The following ASIC2 variants were observed in gnomAD, a reference collection of about 807,000 sequenced individuals.
ASIC2 encodes the protein acid sensing ion channel subunit 2, also known as acid-sensing ion channel 2.
Under a neutral mutation model 57.3 loss-of-function variants are expected in ASIC2, and 25 were observed. The ratio of observed to expected loss-of-function variants is 0.44; its 90% CI spans 0.32 to 0.61. The LOEUF (loss-of-function observed/expected upper bound fraction) is 0.61. Ranked by LOEUF, ASIC2 falls within the 20% of genes least tolerant of loss-of-function variation. The probability of loss-of-function intolerance (pLI) is 0.06; values close to 1 mark genes in which losing one functional copy is unlikely to be tolerated. For synonymous variants in ASIC2, 319 were observed against 307.5 expected (o/e 1.04, Z -0.39); for missense variants, 641 against 738.1 (o/e 0.87, Z 1.52).
intron 1 of ASIC2, among the ~76,000 whole-genome samples, chr17:33,461,760 A>T (rs1912644212): frequency 6.6e-6 from 1 of 152,106 alleles, no homozygotes; most frequent in African/African-American, 2.4e-5. Flanking sequence ...CCCCTTCCAC[A>T]TCAAGCAGTC....
intron 1 of ASIC2, among the ~76,000 whole-genome samples, chr17:33,720,368 A>C (rs1457638255): frequency 6.6e-6 from 1 of 152,248 alleles, no homozygotes; most frequent in African/African-American, 2.4e-5. Flanking sequence ...TACAGTTTCC[A>C]AATACTTTAA....
intron 1 of ASIC2, among the ~76,000 whole-genome samples, chr17:34,015,970 A>T (rs2142025030): frequency 6.6e-6 from 1 of 152,354 alleles, no homozygotes; most frequent in East Asian, 1.9e-4. Flanking sequence ...AGATGCTACA[A>T]TGGTCACAAA....
At chr17:34,045,723 G>C (rs1908309460) in intron 1 of ASIC2, among the ~76,000 whole-genome samples, 1 of 152,178 alleles carries the variant, frequency 6.6e-6, no homozygotes, top group African/African-American at 2.4e-5. Context: ...GTTTACCTCT[G>C]GCTGAAAGCA....
chr17:33,983,454 GGACCCA>G (rs1323658077), intron 1 of ASIC2, among the ~76,000 whole-genome samples: 2 of 152,102 alleles, frequency 1.3e-5, no homozygotes, highest in Non-Finnish European at 2.9e-5. Flanking sequence ...GAACAGTTCT[GGACCCA>G]GTTTCGATGA....
intron 1 of ASIC2, among the ~76,000 whole-genome samples, chr17:33,852,780 C>A (rs1913808444): frequency 6.6e-6 from 1 of 152,162 alleles, no homozygotes. Flanking sequence ...GCTCACATTA[C>A]AAATTGTCTT....
At chr17:33,360,419 T>C (rs1033264200) in intron 1 of ASIC2, among the ~76,000 whole-genome samples, 5 of 152,136 alleles carry the variant, frequency 3.3e-5, no homozygotes, top group African/African-American at 7.2e-5. Context: ...GCTCAGTAAA[T>C]GTCTGTGGAA....
intron 3 of ASIC2, among the ~76,000 whole-genome samples, chr17:33,032,462 T>C (rs77751960): frequency 9.8e-6 from 1 of 102,098 alleles, no homozygotes. Flanking sequence ...TTTTTTTTTT[T>C]TTTTGAGACA....
chr17:33,019,938 C>A (rs1312595070), intron 7 of ASIC2, among the ~76,000 whole-genome samples: 1 of 151,968 alleles, frequency 6.6e-6, no homozygotes, highest in Non-Finnish European at 1.5e-5. Context: ...TAGGAAGAGG[C>A]CTGTCCTGGG....
intron 1 of ASIC2, among the ~76,000 whole-genome samples, chr17:34,095,880 G>T (rs1003536977): frequency 1.3e-5 from 2 of 151,374 alleles, no homozygotes; most frequent in African/African-American, 4.9e-5. Flanking sequence ...CTACTATGTG[G>T]CACTGTACTA....
intron 3 of ASIC2, among the ~76,000 whole-genome samples, chr17:33,073,773 G>A (rs965308562): frequency 3.3e-5 from 5 of 152,220 alleles, no homozygotes; most frequent in Admixed American, 6.5e-5. Context: ...GACAAACTGG[G>A]CTAGAGATGA....
At chr17:33,572,831 T>C (rs1325572928) in intron 1 of ASIC2, among the ~76,000 whole-genome samples, 2 of 152,216 alleles carry the variant, frequency 1.3e-5, no homozygotes, top group Non-Finnish European at 2.9e-5. Context: ...CTCCATAGCC[T>C]GGCCTGGCTG....
intron 1 of ASIC2, among the ~76,000 whole-genome samples, chr17:33,926,340 A>G (rs1915821479): frequency 6.6e-6 from 1 of 152,122 alleles, no homozygotes. Flanking sequence ...ACGTATTTTG[A>G]ATTTTGAACT....
intron 1 of ASIC2, among the ~76,000 whole-genome samples, chr17:33,120,983 T>C (rs116584673): frequency 1.6e-3 from 241 of 152,312 alleles, no homozygotes; most frequent in African/African-American, 5.6e-3. Context: ...TCTTTTTGGT[T>C]CTTGAACGTG....
chr17:33,596,989 C>T (rs6505362), intron 1 of ASIC2, among the ~76,000 whole-genome samples: 18,313 of 152,242 alleles, frequency 0.12, 1,815 homozygotes, highest in African/African-American at 0.28. Context: ...TTGGTCACAG[C>T]TGGTGCTCTA....
chr17:33,563,379 GATAAACCGGGAA>G (rs1386274670), intron 1 of ASIC2, among the ~76,000 whole-genome samples: 1 of 152,144 alleles, frequency 6.6e-6, no homozygotes, highest in East Asian at 1.9e-4. Flanking sequence ...CTGCTCACAG[GATAAACCGGGAA>G]TTAAATCCAC....
chr17:34,140,519 G>C (rs964284310), intron 1 of ASIC2, among the ~76,000 whole-genome samples: 1 of 152,118 alleles, frequency 6.6e-6, no homozygotes. Context: ...ACCAAGATTT[G>C]TTAGAGAACT....
chr17:33,714,806 C>CTTTTTTTT (rs11323251), intron 1 of ASIC2, among the ~76,000 whole-genome samples: 1 of 124,108 alleles, frequency 8.1e-6, no homozygotes, highest in African/African-American at 3.1e-5. Flanking sequence ...ATTCTGTGAC[C>CTTTTTTTT]TTTTTTTTTT....
chr17:33,564,703 C>T (rs1916178836), intron 1 of ASIC2, among the ~76,000 whole-genome samples: 1 of 152,198 alleles, frequency 6.6e-6, no homozygotes, highest in South Asian at 2.1e-4. Context: ...CTAAAACCGG[C>T]CATAAACAGA....
intron 3 of ASIC2, among the ~76,000 whole-genome samples, chr17:33,055,692 G>A (rs898381930): frequency 3.9e-5 from 6 of 152,100 alleles, no homozygotes; most frequent in African/African-American, 9.7e-5. Context: ...TATTCAGGAC[G>A]CCCTTTCTTT....
Sources: allele counts gnomAD v4.1 joint callset (sites outside exome capture counted in the v4.1 genomes callset), GRCh38; gene constraint gnomAD v4.1.1; transcripts MANE v1.5; gene names NCBI Gene and HGNC (gene_info 2026-07-23, HGNC 2026-07-21).